The following NLRP12 variants were observed in gnomAD, a reference collection of about 807,000 sequenced individuals.
NLRP12 encodes the protein NLR family pyrin domain containing 12, also known as NACHT, LRR and PYD domains-containing protein 12.
Under a neutral mutation model 91.2 loss-of-function variants are expected in NLRP12, and 108 were observed. The observed-to-expected ratio is 1.18, with a 90% CI of 1.01 to 1.39. The LOEUF (loss-of-function observed/expected upper bound fraction) is 1.39. Among genes scored for constraint, NLRP12 ranks in the 40% most tolerant of loss-of-function variants. The pLI is 0.00. For synonymous variants in NLRP12, 613 were observed against 566.7 expected, an observed-to-expected ratio of 1.08 and a Z score of -1.16; for missense variants, 1,530 against 1,352.7, an observed-to-expected ratio of 1.13 and a Z score of -2.06.
chr19:53,810,172 T>C lies in NLRP12; in HGVS notation c.1487A>G (p.Asn496Ser), dbSNP rs747701592. 2.5e-5 allele frequency: 40 copies of C among 1,614,058 alleles called. No individual in the cohort carries two copies. The highest frequency in any genetic ancestry group is 3.2e-5 in the Non-Finnish European group (38 of 1,180,034). Residue 496 changes from asparagine to serine, a missense_variant, in exon 3 of 10, where the codon AAC becomes AGC. Asn to Ser is a conservative substitution (Grantham distance 46). Coordinates refer to ENST00000324134, the MANE Select transcript of NLRP12 (RefSeq NM_144687.4). ...LDGEDVSAFL[N>S]MNIFQKDINC... ...GATGTCCTTCTGGAAGATGTTCATG[T>C]TGAGGAAGGCAGAGACGTCTTCCCC...
chr19:53,817,367 T>C (rs996288073), intron 1 of NLRP12, among the ~76,000 whole-genome samples: 2 of 150,366 alleles, frequency 1.3e-5, no homozygotes, highest in African/African-American at 4.9e-5. Context: ...GAGTCAGAGG[T>C]TGAAGTGTGC....
In NLRP12 at chr19:53,809,728, T is replaced by A; in HGVS notation, c.1931A>T (p.Lys644Met). ...QVIVVSNIAS[K>M]MEHMVSSFCL... is the part of the protein sequence containing the mutation. ...GAACGAGGAGACCATGTGCTCCATC[T>A]TGGAGGCAATGTTGCTGACCACGAT... Residue 644 changes from lysine (K) to methionine (M), a missense_variant, in exon 3 of 10, where the codon AAG becomes ATG. By Grantham distance (95) the Lys-to-Met change is moderately conservative. Transcript: ENST00000324134. The A allele has an allele frequency of 1.9e-6, 3 of 1,614,134 alleles. No individual in the cohort carries two copies. Among genetic ancestry groups the A allele is most frequent in the Non-Finnish European group, 2.5e-6 (3 of 1,180,018 alleles).
chr19:53,799,396 C>T (rs1024996420), intron 7 of NLRP12, among the ~76,000 whole-genome samples: 1 of 152,216 alleles, frequency 6.6e-6, no homozygotes, highest in South Asian at 2.1e-4. Flanking sequence ...CTTCTACCCA[C>T]GTCTTATACT....
intron 6 of NLRP12, among the ~76,000 whole-genome samples, chr19:53,803,204 G>A (rs1479419331): frequency 6.6e-5 from 10 of 151,184 alleles, no homozygotes; most frequent in African/African-American, 1.7e-4. Context: ...TTTTTGAGAC[G>A]GAGTTTCGTT....
rs2092133423 is a variant in NLRP12, at chr19:53,814,903, CT to C, written c.370+4del. The stretch of plus-strand genomic sequence containing the variant: ...ATACATGTAGGTACATGGCTTGAGG[CT>C]CACCTTTTCTTGGAGTGACAAGAGA... On this transcript the variant is annotated splice_donor_region_variant and intron_variant, in intron 2 of 9. Transcript: ENST00000324134. 1 of 1,611,336 alleles carries C rather than the reference CT, an allele frequency of 6.2e-7. No individual in the cohort carries two copies. Among genetic ancestry groups the C allele is most frequent in the African/African-American group, 1.3e-5 (1 of 74,892 alleles).
intron 7 of NLRP12, 114 bp downstream of exon 7, chr19:53,801,112 GC>G (rs2091862171): frequency 1.1e-6 from 1 of 888,544 alleles, no homozygotes; most frequent in African/African-American, 1.7e-5. Context: ...AAAAAAAAAG[GC>G]TGATGTAGTA....
chr19:53,794,197 T>A, intron 9 of NLRP12, 61 bp from the exon 10 acceptor site: 2 of 1,103,440 alleles, frequency 1.8e-6, no homozygotes, highest in Non-Finnish European at 2.8e-6. Context: ...TTAATAAGCC[T>A]TAAGTATCTA....
chr19:53,815,359 G>A (rs1225773847), intron 1 of NLRP12, among the ~76,000 whole-genome samples: 1 of 150,952 alleles, frequency 6.6e-6, no homozygotes, highest in African/African-American at 2.4e-5. Flanking sequence ...CTCACGAGTA[G>A]CTGGCATTAC....
chr19:53,813,299 CT>C (rs1160039078), intron 2 of NLRP12, among the ~76,000 whole-genome samples: 413 of 85,998 alleles, frequency 4.8e-3, no homozygotes, highest in East Asian at 0.044. Flanking sequence ...TTTTTCTTTT[CT>C]TTTTTTTTTT....
Position 53,805,320 on chromosome 19 carries a change from C to G in NLRP12, c.2374G>C (p.Glu792Gln), listed in dbSNP as rs753391798. ...VGFPGMMLLC[E>Q]GLRHPQCRLQ... ...CTGCACTGGGGATGCCGCAGGCCCTCGCAAAGCAGCATCATGCCTGGGAAT... is the reference window on the plus strand; with the variant it reads ...CTGCACTGGGGATGCCGCAGGCCCTGGCAAAGCAGCATCATGCCTGGGAAT... The change falls in exon 5 of 10, where the codon GAG (glutamate) becomes CAG (glutamine). Residue 792 changes from glutamate (E) to glutamine (Q), a missense_variant. Transcript: ENST00000324134. The G allele has an allele frequency of 1.2e-6, 2 of 1,614,038 alleles. No homozygotes were observed. The highest frequency in any genetic ancestry group is 2.2e-5 in the East Asian group (1 of 44,852).
At chr19:53,818,086 A>ATTT (rs57766213) in intron 1 of NLRP12, among the ~76,000 whole-genome samples, 2,376 of 144,450 alleles carry the variant, frequency 0.016, 47 homozygotes, top group South Asian at 0.074. Flanking sequence ...CTGGTTGGCA[A>ATTT]TTTTTTTTTT....
chr19:53,798,274 G>A lies in NLRP12; in HGVS notation c.2896C>T (p.Gln966Ter), dbSNP rs2091806004. 1 of 1,614,178 alleles carries A rather than the reference G, an allele frequency of 6.2e-7. No homozygotes were observed. Among genetic ancestry groups the A allele is most frequent in the East Asian group, 2.2e-5 (1 of 44,880 alleles). ...TTCTGGAGTCTGCAGGCGGGATGTTGCAGCCCCTCAGCCAGCAACCACAGG... is the reference window on the plus strand; with the variant it reads ...TTCTGGAGTCTGCAGGCGGGATGTTACAGCCCCTCAGCCAGCAACCACAGG... ...WGLWLLAEGLQHPACRLQKLW... is the reference protein window; with the variant it reads ...WGLWLLAEGL The change falls in exon 8 of 10, where the codon CAA becomes TAA. Residue 966 changes from glutamine to a stop codon, truncating the protein, a stop_gained. Transcript: ENST00000324134. LOFTEE classifies it high-confidence loss of function.
rs745766441 is a variant in NLRP12, at chr19:53,811,005, C to A, written c.654G>T (p.Ala218=). The change falls in exon 3 of 10, where the codon GCG becomes GCT. Residue 218 remains alanine (A), a synonymous_variant. Coordinates refer to ENST00000324134, the MANE Select transcript of NLRP12 (RefSeq NM_144687.4). The stretch of plus-strand genomic sequence containing the variant: ...CCAGCATGGACTTGCCTATCCCTGC[C>A]GCGCCTTGCATGACCACGGTGCGCG... ...EPPRTVVMQG[A]AGIGKSMLAH... The A allele has an allele frequency of 6.2e-7, 1 of 1,613,890 alleles. No homozygotes were observed. Among genetic ancestry groups the A allele is most frequent in the Non-Finnish European group, 8.5e-7 (1 of 1,179,874 alleles).
chr19:53,804,843 C>T (rs77522434), intron 5 of NLRP12, among the ~76,000 whole-genome samples: 10,412 of 151,732 alleles, frequency 0.069, 382 homozygotes, highest in East Asian at 0.14. Flanking sequence ...GCCTGGCCAA[C>T]GTGAGGAAAC....
At chr19:53,813,232 T>G (rs895782755) in intron 2 of NLRP12, among the ~76,000 whole-genome samples, 1 of 150,386 alleles carries the variant, frequency 6.6e-6, no homozygotes, top group African/African-American at 2.4e-5. Flanking sequence ...AAACTCCATA[T>G]CCATTAAATA....
At chr19:53,801,451 T>TTC in intron 6 of NLRP12, 54 bp from the exon 7 acceptor site, 4 of 956,226 alleles carry the variant, frequency 4.2e-6, no homozygotes, top group Non-Finnish European at 5.7e-6. Context: ...TCTTTTTCTT[T>TTC]TTTTTTTTTT....
At chr19:53,819,447 ATATATATATATGTG>A (rs1169429525) in intron 1 of NLRP12, among the ~76,000 whole-genome samples, 2 of 17,078 alleles carry the variant, frequency 1.2e-4, no homozygotes, top group African/African-American at 3.8e-4. Context: ...ATATATATAT[ATATATATATATGTG>A]TGTGTGTGTG....
chr19:53,819,014 A>G (rs1440703964), intron 1 of NLRP12, among the ~76,000 whole-genome samples: 1 of 152,158 alleles, frequency 6.6e-6, no homozygotes, highest in African/African-American at 2.4e-5. Flanking sequence ...CTCCTTGGGA[A>G]CGCTGAGCTG....
chr19:53,796,090 AGT>A (rs2091753927), intron 8 of NLRP12, 61 bp from the exon 9 acceptor site: 1 of 1,507,928 alleles, frequency 6.6e-7, no homozygotes, highest in Admixed American at 1.7e-5. Flanking sequence ...ATTCGGAGGC[AGT>A]GTCTCACCCT....
Sources: gnomAD v4.1 joint callset for allele counts (sites outside exome capture counted in the v4.1 genomes callset) on GRCh38, gnomAD v4.1.1 for gene constraint, MANE v1.5 for transcripts, NCBI Gene and HGNC (gene_info 2026-07-23, HGNC 2026-07-21) for gene names.